The following CASZ1 variants were observed in gnomAD, a reference collection of about 807,000 sequenced individuals.
CASZ1 encodes castor zinc finger 1.
A neutral mutation model predicts 135.2 loss-of-function variants in CASZ1; 28 were observed. The observed-to-expected ratio is 0.21, with a 90% CI of 0.15 to 0.28. The LOEUF (loss-of-function observed/expected upper bound fraction) is 0.28, where lower values mean the gene tolerates loss of function less well. Among genes scored for constraint, CASZ1 ranks in the 10% least tolerant of loss-of-function variants. The pLI, the probability that CASZ1 is intolerant of heterozygous loss-of-function variation, is 1.00. For synonymous variants in CASZ1, 1,068 were observed against 1,073.4 expected (o/e 0.99, Z 0.10); for missense variants, 2,161 against 2,453.3 (o/e 0.88, Z 2.52).
At position 10,676,585 on chromosome 1, in the gene CASZ1, G is replaced by A. The variant is rs570028638; in HGVS notation, c.17-11014C>T. 2.3e-4 allele frequency among the ~76,000 whole-genome samples: 35 copies of A among 152,154 alleles called. No homozygotes were observed. The East Asian group carries it at 6.0e-3, about 26-fold the overall frequency. On this transcript the variant is annotated intron_variant, in intron 4 of 20. Coordinates refer to ENST00000377022, the MANE Select transcript of CASZ1 (RefSeq NM_001079843.3). This position sits in a 1 kb window ranked among gnomAD's most constrained non-coding sequence, Gnocchi z 4.5. ...GCCTCTCCATCTCTCTCTGTGCCTC[G>A]GTGGACCAACCTGCCTAGGGGTGCC...
In CASZ1 at chr1:10,667,845, C is replaced by T. The variant is rs536007473; in HGVS notation, c.17-2274G>A. 9.9e-5 allele frequency among the ~76,000 whole-genome samples: 15 copies of T among 151,534 alleles called. No individual in the cohort carries two copies. In the East Asian group the frequency reaches 2.7e-3, roughly 28 times the overall value. ...TGGAGCCTCCCCGCACTTTGGCCCA[C>T]CCAGCCCAGCCCACCTTCTCCCCAT... On this transcript the variant is annotated intron_variant, in intron 4 of 20. Transcript: ENST00000377022.
chr1:10,696,547 C>T (rs1452406427), intron 3 of CASZ1, among the ~76,000 whole-genome samples: 1 of 152,222 alleles, frequency 6.6e-6, no homozygotes, highest in African/African-American at 2.4e-5. Context: ...GGGTGCTGCT[C>T]CCAATGACTC....
rs922340664 is a variant in CASZ1 at position 10,788,397 on chromosome 1, C to T, written c.-234+8167G>A. The stretch of plus-strand genomic sequence containing the variant: ...CCTCCCTCCTGCCCCCCTGCCTCAT[C>T]CTGGAGAATTGGAAAGAAGCCCACC... On this transcript the variant is annotated intron_variant, in intron 1 of 20. Transcript: ENST00000377022. This position sits in a 1 kb window ranked among gnomAD's most constrained non-coding sequence, Gnocchi z 4.1. Among the ~76,000 whole-genome samples the T allele has an allele frequency of 1.3e-4, 20 of 152,170 alleles. No homozygotes were observed. Among genetic ancestry groups the T allele is most frequent in the African/African-American group, 4.8e-4 (20 of 41,432 alleles).
At chr1:10,671,785 C>T (rs934413648) in intron 4 of CASZ1, among the ~76,000 whole-genome samples, 2 of 152,236 alleles carry the variant, frequency 1.3e-5, no homozygotes, top group Non-Finnish European at 2.9e-5. Flanking sequence ...ACCCCAGATG[C>T]GGCACTGGGC....
Position 10,697,903 on chromosome 1 carries a change from G to C in CASZ1, c.-23-3991C>G, listed in dbSNP as rs918522910. Among the ~76,000 whole-genome samples the C allele has an allele frequency of 1.3e-5, 2 of 152,260 alleles. No homozygotes were observed. The highest frequency in any genetic ancestry group is 2.9e-5 in the Non-Finnish European group (2 of 68,050). On this transcript the variant is annotated intron_variant, in intron 3 of 20. Transcript: ENST00000377022. This position sits in a 1 kb window ranked among gnomAD's most constrained non-coding sequence, Gnocchi z 4.7. ...GTGTGTTTGCGTGTGAGCCCGCTCC[G>C]GGGCCGATGGAGGGAGGGTGTCGGG...
rs1642353994 is a variant in CASZ1 at position 10,646,052 on chromosome 1, C to A, written c.3696+76G>T. The A allele has an allele frequency of 7.1e-7, 1 of 1,401,994 alleles. No individual in the cohort carries two copies. Among genetic ancestry groups the A allele is most frequent in the Admixed American group, 1.8e-5 (1 of 57,026 alleles). 86.8% of individuals were successfully genotyped at this position (1,401,994 alleles called of 1,614,324 possible). On this transcript the variant is annotated intron_variant, in intron 17 of 20. Transcript: ENST00000377022. The surrounding 1 kb of genome is among the most constrained non-coding windows in gnomAD (Gnocchi z 6.4). The stretch of plus-strand genomic sequence containing the variant: ...AAATGGAGCCTCTGCCAGGAGGTGA[C>A]TGTCCTGTGCCCTGAGCTAGCCCTG...
rs1383468410 is a variant in CASZ1 at position 10,717,032 on chromosome 1, C to T, written c.-76-11488G>A. Among the ~76,000 whole-genome samples, 1 of 152,124 alleles carries T rather than the reference C, an allele frequency of 6.6e-6. No homozygotes were observed. The highest frequency in any genetic ancestry group is 1.5e-5 in the Non-Finnish European group (1 of 68,006). On this transcript the variant is annotated intron_variant, in intron 2 of 20. Coordinates refer to ENST00000377022, the MANE Select transcript of CASZ1 (RefSeq NM_001079843.3). The surrounding 1 kb of genome is among the most constrained non-coding windows in gnomAD (Gnocchi z 4.6). Reference sequence around the variant, plus strand: ...GGCACAGACCTAGCAGAGGGCTGGGCCTCAGGGCTCCCCTAGAGAGACTCA... The same window carrying T: ...GGCACAGACCTAGCAGAGGGCTGGGTCTCAGGGCTCCCCTAGAGAGACTCA...
Position 10,710,987 on chromosome 1 carries a change from CG to C in CASZ1, c.-76-5444del, listed in dbSNP as rs372679583. Among the ~76,000 whole-genome samples, 701 of 152,250 alleles carry C rather than the reference CG, an allele frequency of 4.6e-3. 6 individuals are homozygous for C. The highest frequency in any genetic ancestry group is 0.016 in the African/African-American group (662 of 41,534). On this transcript the variant is annotated intron_variant, in intron 2 of 20. Coordinates refer to ENST00000377022, the MANE Select transcript of CASZ1 (RefSeq NM_001079843.3). ...CTCTACTAAAAATACAAATATTAGC[CG>C]GGTGTGGTGGTGCACGCCTGTAATC...
Position 10,682,311 on chromosome 1 carries a change from G to A in CASZ1, c.16+11563C>T, listed in dbSNP as rs369248421. Among the ~76,000 whole-genome samples, 182 of 152,200 alleles carry A rather than the reference G, an allele frequency of 1.2e-3. 1 individual carries two copies. The highest frequency in any genetic ancestry group is 3.5e-3 in the African/African-American group (145 of 41,536). On this transcript the variant is annotated intron_variant, in intron 4 of 20. Coordinates refer to ENST00000377022, the MANE Select transcript of CASZ1 (RefSeq NM_001079843.3). ...TGCCGGGACGGGGAGAAGGGGCAAC[G>A]GGAAATATCACCGTGAAGTGGGAGA...
intron 1 of CASZ1, among the ~76,000 whole-genome samples, chr1:10,769,434 TAACTC>T (rs1640535021): frequency 6.6e-6 from 1 of 152,220 alleles, no homozygotes; most frequent in Admixed American, 6.5e-5. Context: ...TTTAGATAGA[TAACTC>T]ATCAGTGTAA....
At position 10,658,573 on chromosome 1, in the gene CASZ1, G is replaced by A. The variant is rs1301382408; in HGVS notation, c.1344C>T (p.Asn448=). 10 of 1,613,802 alleles carry A rather than the reference G, an allele frequency of 6.2e-6. No individual in the cohort carries two copies. The highest frequency in any genetic ancestry group is 1.7e-5 in the Admixed American group (1 of 60,010). The stretch of plus-strand genomic sequence containing the variant: ...CGGCTGGTTTATCTGTGGGCAGTCC[G>A]TTCCTGGCAAGAGACACACAGGGCA... The part of the protein sequence containing the change: ...ITTGTVSTVK[N]GLPTDKPAVT... Residue 448 remains asparagine, a synonymous_variant, in exon 7 of 21, where the codon AAC becomes AAT. Transcript: ENST00000377022.
In CASZ1 at chr1:10,644,954, G is replaced by A. The variant is rs1489203211; in HGVS notation, c.3831C>T (p.Phe1277=). Residue 1277 remains phenylalanine (F), a synonymous_variant, in exon 18 of 21, where the codon TTC becomes TTT. Transcript: ENST00000377022. ...ACTCCTCGCGCTTGGTGAAGTATTT[G>A]AAGCCATTGGCTGCCCGCCGCTCCG... is the stretch of plus-strand genomic sequence containing the variant. ...EKAERRAANG[F]KYFTKREECG... is the part of the protein sequence containing the mutation. 1 of 1,613,938 alleles carries A rather than the reference G, an allele frequency of 6.2e-7. No individual in the cohort carries two copies. Among genetic ancestry groups the A allele is most frequent in the South Asian group, 1.1e-5 (1 of 91,082 alleles).
At chr1:10,764,145 G>T (rs1367763626) in intron 1 of CASZ1, among the ~76,000 whole-genome samples, 1 of 152,196 alleles carries the variant, frequency 6.6e-6, no homozygotes, top group African/African-American at 2.4e-5. Flanking sequence ...TTACAGGTGT[G>T]AACCACCGCA....
chr1:10,667,545 C>T (rs965244747), intron 4 of CASZ1, among the ~76,000 whole-genome samples: 2 of 152,178 alleles, frequency 1.3e-5, no homozygotes, highest in African/African-American at 2.4e-5. Flanking sequence ...CACTCGACCT[C>T]GGAGCTGCCC....
In CASZ1 at chr1:10,701,563, G is replaced by A. The variant is rs1265651736; in HGVS notation, c.-24+3929C>T. Among the ~76,000 whole-genome samples, 3 of 152,148 alleles carry A rather than the reference G, an allele frequency of 2.0e-5. No individual in the cohort carries two copies. The highest frequency in any genetic ancestry group is 1.9e-4 in the East Asian group (1 of 5,180). On this transcript the variant is annotated intron_variant, in intron 3 of 20. Transcript: ENST00000377022. This position sits in a 1 kb window ranked among gnomAD's most constrained non-coding sequence, Gnocchi z 6.3. ...GGCGCGGTCAGAAGAAGGAGATAAC[G>A]GGCAAAGGGCTGGAGGGAGAACAGT...
chr1:10,649,255 T>C (rs1460726516), intron 14 of CASZ1, 28 bp downstream of exon 14: 7 of 1,605,360 alleles, frequency 4.4e-6, no homozygotes, highest in Admixed American at 3.4e-5. Context: ...GGGGGGACGA[T>C]GGGTGGACGC....
rs541187637 is a variant in CASZ1 at position 10,795,414 on chromosome 1, A to G, written c.-234+1150T>C. Reference sequence around the variant, plus strand: ...TTGGATTCAGGGCTCCTCCTCCCCAATTGTTGAGCTCCGAGGTCACCCTCA... The same window carrying G: ...TTGGATTCAGGGCTCCTCCTCCCCAGTTGTTGAGCTCCGAGGTCACCCTCA... On this transcript the variant is annotated intron_variant, in intron 1 of 20. Transcript: ENST00000377022. Among the ~76,000 whole-genome samples the G allele has an allele frequency of 5.3e-5, 8 of 152,026 alleles. No individual in the cohort carries two copies. In the South Asian group the frequency reaches 6.2e-4, roughly 12 times the overall value.
Position 10,759,695 on chromosome 1 carries a change from A to G in CASZ1, c.-77+1006T>C, listed in dbSNP as rs1476227903. ...GCAAGTTCGAAGTCCAGGGCTGCTG[A>G]GCCCAGCCCCAGAGGGAGGGGCAGG... On this transcript the variant is annotated intron_variant, in intron 2 of 20. Coordinates refer to ENST00000377022, the MANE Select transcript of CASZ1 (RefSeq NM_001079843.3). The surrounding 1 kb of genome is among the most constrained non-coding windows in gnomAD (Gnocchi z 4.2). Among the ~76,000 whole-genome samples, 1 of 152,144 alleles carries G rather than the reference A, an allele frequency of 6.6e-6. No homozygotes were observed. The highest frequency in any genetic ancestry group is 1.5e-5 in the Non-Finnish European group (1 of 68,022).
chr1:10,670,264 C>T (rs1367479309), intron 4 of CASZ1, among the ~76,000 whole-genome samples: 1 of 152,188 alleles, frequency 6.6e-6, no homozygotes, highest in East Asian at 1.9e-4. Context: ...TCCACATGGT[C>T]GGCTGTCCTG....
Sources: gnomAD v4.1 joint callset for allele counts (sites outside exome capture counted in the v4.1 genomes callset) on GRCh38, gnomAD v4.1.1 for gene constraint, Gnocchi (gnomAD v3.1) non-coding constraint, MANE v1.5 for transcripts, NCBI Gene and HGNC (gene_info 2026-07-23, HGNC 2026-07-21) for gene names.